The following AFF3 variants were observed in gnomAD, a reference collection of about 807,000 sequenced individuals.
AFF3 encodes the protein ALF transcription elongation factor 3.
Under a neutral mutation model 129.7 loss-of-function variants are expected in AFF3, and 32 were observed. The observed-to-expected ratio is 0.25, with a 90% CI of 0.19 to 0.33. The LOEUF is 0.33. AFF3 is among the 10% of genes least tolerant of loss of function. The probability of loss-of-function intolerance (pLI) is 1.00; values close to 1 mark genes in which losing one functional copy is unlikely to be tolerated. For missense variants in AFF3, 1,373 were observed against 1,592.0 expected (o/e 0.86, Z 2.34); for synonymous variants, 644 against 635.4 (o/e 1.01, Z -0.20).
At chr2:99,966,407 G>A (rs986270945) in intron 7 of AFF3, among the ~76,000 whole-genome samples, 2 of 152,204 alleles carry the variant, frequency 1.3e-5, no homozygotes, top group South Asian at 2.1e-4. Context: ...AGAAAATGAA[G>A]AGGCCGGGCG....
intron 4 of AFF3, among the ~76,000 whole-genome samples, chr2:100,045,406 C>T (rs1045656360): frequency 6.6e-6 from 1 of 152,180 alleles, no homozygotes; most frequent in African/African-American, 2.4e-5. Flanking sequence ...CCCGTGACTG[C>T]GTTCTCACCC....
At chr2:100,103,326 G>GA (rs1226812811) in intron 4 of AFF3, among the ~76,000 whole-genome samples, 1,822 of 141,536 alleles carry the variant, frequency 0.013, 34 homozygotes, top group African/African-American at 0.043. Context: ...AAAGCAAAAG[G>GA]AAAAAAAAAA....
intron 3 of AFF3, 51 bp from the exon 4 acceptor site, chr2:100,104,569 C>A (rs1233390964): frequency 8.6e-6 from 9 of 1,047,502 alleles, no homozygotes; most frequent in Admixed American, 5.8e-5. Flanking sequence ...CCAGAGCGGC[C>A]GCCGCCCGCC....
At chr2:99,657,495 A>C (rs1685854286) in intron 12 of AFF3, among the ~76,000 whole-genome samples, 1 of 152,034 alleles carries the variant, frequency 6.6e-6, no homozygotes, top group Non-Finnish European at 1.5e-5. Context: ...TTTTCCCTCC[A>C]CCTAAAAGAG....
At chr2:99,821,917 C>T (rs1442207945) in intron 8 of AFF3, among the ~76,000 whole-genome samples, 2 of 152,200 alleles carry the variant, frequency 1.3e-5, no homozygotes, top group Non-Finnish European at 2.9e-5. Context: ...GAAACAAAGG[C>T]AGCCAGGGCA....
intron 8 of AFF3, among the ~76,000 whole-genome samples, chr2:99,780,290 C>T (rs553103091): frequency 1.4e-4 from 22 of 152,310 alleles, no homozygotes; most frequent in African/African-American, 5.3e-4. Flanking sequence ...GCCTACTGAA[C>T]CTCTCAGCGC....
intron 13 of AFF3, among the ~76,000 whole-genome samples, chr2:99,605,060 A>G (rs1007396604): frequency 1.4e-4 from 21 of 152,346 alleles, no homozygotes; most frequent in Middle Eastern, 3.4e-3. Context: ...CGCCCATTCA[A>G]CAGTTACCAT....
At chr2:100,003,781 C>CA (rs886071422) in intron 7 of AFF3, among the ~76,000 whole-genome samples, 4 of 152,058 alleles carry the variant, frequency 2.6e-5, no homozygotes, top group African/African-American at 9.7e-5. Context: ...TCAAAATTTC[C>CA]AAATTTTTAA....
At chr2:99,966,247 TTAAAGA>T (rs1048292271) in intron 7 of AFF3, among the ~76,000 whole-genome samples, 3 of 151,748 alleles carry the variant, frequency 2.0e-5, no homozygotes, top group Admixed American at 6.6e-5. Flanking sequence ...AGGTTTGTAC[TTAAAGA>T]TAAAGTAAAA....
chr2:99,607,282 C>T (rs552725631), intron 13 of AFF3, among the ~76,000 whole-genome samples: 1 of 152,244 alleles, frequency 6.6e-6, no homozygotes, highest in East Asian at 1.9e-4. Context: ...CCTGTAATCC[C>T]AGCACTTTGG....
intron 13 of AFF3, among the ~76,000 whole-genome samples, chr2:99,632,793 C>T (rs549710870): frequency 3.3e-5 from 5 of 152,136 alleles, no homozygotes; most frequent in African/African-American, 1.2e-4. Context: ...TGAAGTCTCA[C>T]GTAATTAAAA....
At chr2:99,934,110 T>A (rs531505985) in intron 7 of AFF3, among the ~76,000 whole-genome samples, 256 of 152,136 alleles carry the variant, frequency 1.7e-3, no homozygotes, top group African/African-American at 6.0e-3. Context: ...ACACAGCAGG[T>A]GAGGAATAGA....
chr2:100,128,924 T>G (rs1268264017), intron 2 of AFF3, among the ~76,000 whole-genome samples: 2 of 152,138 alleles, frequency 1.3e-5, no homozygotes, highest in Non-Finnish European at 1.5e-5. Context: ...TGGACACATT[T>G]CTGTGTCCTG....
At chr2:100,112,900 C>T (rs897558843) in intron 2 of AFF3, among the ~76,000 whole-genome samples, 7 of 152,180 alleles carry the variant, frequency 4.6e-5, no homozygotes, top group African/African-American at 1.7e-4. Context: ...ACCTGTGATG[C>T]TTATTATAAT....
intron 8 of AFF3, 38 bp downstream of exon 8, chr2:99,837,439 C>T (rs1283248096): frequency 1.3e-6 from 2 of 1,590,538 alleles, no homozygotes. Flanking sequence ...GAGTCTATGT[C>T]CCACAGATTG....
intron 7 of AFF3, among the ~76,000 whole-genome samples, chr2:99,929,132 A>G (rs1696491422): frequency 2.6e-5 from 4 of 152,366 alleles, no homozygotes; most frequent in Admixed American, 6.5e-5. Flanking sequence ...GTTTGAGACC[A>G]GCCTGACCAA....
chr2:99,917,724 T>C (rs1695570519), intron 7 of AFF3, among the ~76,000 whole-genome samples: 3 of 152,166 alleles, frequency 2.0e-5, no homozygotes, highest in Non-Finnish European at 4.4e-5. Context: ...GTGATAGCAG[T>C]GGGTATCTAT....
rs1678198002 is a variant in AFF3 at position 99,587,148 on chromosome 2, A to C, written c.2591+6T>G. The C allele has an allele frequency of 6.2e-7, 1 of 1,613,896 alleles. No homozygotes were observed. The highest frequency in any genetic ancestry group is 1.3e-5 in the African/African-American group (1 of 74,912). On this transcript the variant is annotated splice_donor_region_variant and intron_variant, in intron 16 of 24. Coordinates refer to ENST00000672756, the MANE Select transcript of AFF3 (RefSeq NM_001386135.1). ...CTCACTTCCACTTTGGAGGGAATGCACGTACCTGTTGATGTTCATGTTGCA... is the reference window on the plus strand; with the variant it reads ...CTCACTTCCACTTTGGAGGGAATGCCCGTACCTGTTGATGTTCATGTTGCA...
chr2:99,927,690 A>G (rs1460865624), intron 7 of AFF3, among the ~76,000 whole-genome samples: 2 of 152,274 alleles, frequency 1.3e-5, no homozygotes, highest in Non-Finnish European at 2.9e-5. Context: ...ATGTAATTTT[A>G]CCTATGTAAC....
Sources: allele counts gnomAD v4.1 joint callset (sites outside exome capture counted in the v4.1 genomes callset), GRCh38; gene constraint gnomAD v4.1.1; transcripts MANE v1.5; gene names NCBI Gene and HGNC (gene_info 2026-07-23, HGNC 2026-07-21).